Variants in KLKB1 observed in about 807,000 individuals in gnomAD.
The protein encoded by KLKB1 is kallikrein B1, also known as plasma kallikrein.
KLKB1 carries 58 observed loss-of-function variants against 73.6 expected under a neutral mutation model. The observed-to-expected ratio is 0.79, with a 90% CI of 0.64 to 0.98. The LOEUF is 0.98. Ranked by LOEUF, KLKB1 falls within the 50% of genes least tolerant of loss-of-function variation. The pLI, the probability that KLKB1 is intolerant of heterozygous loss-of-function variation, is 0.00. For synonymous variants in KLKB1, 280 were observed against 258.1 expected, an observed-to-expected ratio of 1.08 and a Z score of -0.81; for missense variants, 737 against 763.8, an observed-to-expected ratio of 0.96 and a Z score of 0.41.
Position 186,251,618 on chromosome 4 carries a change from T to C in KLKB1, c.1000T>C (p.Ser334Pro), listed in dbSNP as rs759674307. ...GATTCGCTGTCAGTTTTTCACTTAT[T>C]CTTTACTCCCAGAAGACTGTAAGGA... ...KMIRCQFFTY[S>P]LLPEDCKEEK... Residue 334 changes from serine (S) to proline (P), a missense_variant, in exon 9 of 15, where the codon TCT (serine) becomes CCT (proline). By Grantham distance (74) the Ser-to-Pro change is moderately conservative. Transcript: ENST00000264690. 1.9e-6 allele frequency: 3 copies of C among 1,614,158 alleles called. No homozygotes were observed. The highest frequency in any genetic ancestry group is 2.5e-6 in the Non-Finnish European group (3 of 1,180,006).
Position 186,252,059 on chromosome 4 carries a change from A to T in KLKB1, c.1187A>T (p.Asn396Ile). 6.2e-7 allele frequency: 1 copy of T among 1,614,028 alleles called. No homozygotes were observed. ...KTSTRIVGGT[N>I]SSWGEWPWQV... ...AGCACACGCATTGTTGGAGGAACAA[A>T]CTCTTCTTGGGGAGAGTGGCCCTGG... Residue 396 changes from asparagine to isoleucine, a missense_variant, in exon 11 of 15, where the codon AAC becomes ATC. Transcript: ENST00000264690.
At chr4:186,250,503 CG>C in intron 7 of KLKB1, 101 bp downstream of exon 7, 1 of 1,372,318 alleles carries the variant, frequency 7.3e-7, no homozygotes. Context: ...TTAAAAGTTT[CG>C]TTCATTTCCC....
At position 186,254,684 on chromosome 4, in the gene KLKB1, T is replaced by C. The variant is rs138430642; in HGVS notation, c.1410T>C (p.Ile470=). 1.2e-6 allele frequency: 2 copies of C among 1,613,760 alleles called. No individual in the cohort carries two copies. Among genetic ancestry groups the C allele is most frequent in the Admixed American group, 3.3e-5 (2 of 60,024 alleles). ...DTPFSQIKEI[I]IHQNYKVSEG... ...CTTTCTCACAAATAAAAGAGATTAT[T>C]ATTCACCAAAACTATAAAGTCTCAG... Residue 470 remains isoleucine (I), a synonymous_variant, in exon 12 of 15, where the codon ATT becomes ATC. Coordinates refer to ENST00000264690, the MANE Select transcript of KLKB1 (RefSeq NM_000892.5).
chr4:186,236,736 G>A, intron 4 of KLKB1, 45 bp from the exon 5 acceptor site: 1 of 1,604,300 alleles, frequency 6.2e-7, no homozygotes, highest in Non-Finnish European at 8.5e-7. Flanking sequence ...TCTACCTCTA[G>A]AAAGAAAATG....
chr4:186,216,725 A>G (rs75338999), intron 2 of KLKB1, among the ~76,000 whole-genome samples: 2,544 of 152,294 alleles, frequency 0.017, 30 homozygotes, highest in Non-Finnish European at 0.027. Flanking sequence ...TTGTCCAGAG[A>G]TGACTCTCAG....
chr4:186,243,473 G>C (rs1204088547), intron 6 of KLKB1, among the ~76,000 whole-genome samples: 2 of 152,180 alleles, frequency 1.3e-5, no homozygotes, highest in African/African-American at 4.8e-5. Flanking sequence ...GTGAGGGATA[G>C]AAGTTGGAAT....
At chr4:186,246,737 C>T (rs1738377690) in intron 6 of KLKB1, among the ~76,000 whole-genome samples, 1 of 152,006 alleles carries the variant, frequency 6.6e-6, no homozygotes, top group Admixed American at 6.5e-5. Context: ...TGGGGGGGTG[C>T]TTGCCCCCAG....
chr4:186,250,119 A>C (rs914419447), intron 6 of KLKB1, 124 bp from the exon 7 acceptor site: 2 of 1,026,864 alleles, frequency 1.9e-6, no homozygotes, highest in African/African-American at 3.2e-5. Flanking sequence ...ACATTTTTTC[A>C]CTTAGGATGT....
At chr4:186,221,972 T>C (rs1737042207), upstream of KLKB1, among the ~76,000 whole-genome samples, 1 of 152,204 alleles carries the variant, frequency 6.6e-6, no homozygotes, top group South Asian at 2.1e-4. Flanking sequence ...TTACAATTGT[T>C]ATATCCTCTT....
At chr4:186,251,724 T>G in intron 9 of KLKB1, 25 bp from the exon 10 acceptor site, 1 of 1,606,430 alleles carries the variant, frequency 6.2e-7, no homozygotes. Context: ...GAAGGCTTAC[T>G]CTTTCTACTG....
intron 2 of KLKB1, among the ~76,000 whole-genome samples, chr4:186,230,409 C>T (rs541330044): frequency 6.6e-6 from 1 of 152,232 alleles, no homozygotes; most frequent in East Asian, 1.9e-4. Flanking sequence ...CTTTAATTCT[C>T]ATTATTGTTT....
Position 186,239,058 on chromosome 4 carries a change from TGTTATA to T in KLKB1, c.598+701_598+706del, listed in dbSNP as rs201409035. Among the ~76,000 whole-genome samples, 567 of 131,026 alleles carry T rather than the reference TGTTATA, an allele frequency of 4.3e-3. 9 individuals are homozygous for T. The highest frequency in any genetic ancestry group is 0.017 in the African/African-American group (538 of 31,550). The allele number at this position is 131,026 out of a possible 152,430, so 86.0% of individuals were successfully genotyped here. ...GTTAGAGTTATAGGTACAGTGATAT[TGTTATA>T]GTTATAGGAAACTAGTACAGTGATA... On this transcript the variant is annotated intron_variant, in intron 6 of 14. Transcript: ENST00000264690.
At chr4:186,235,879 G>T (rs1737639659) in intron 4 of KLKB1, among the ~76,000 whole-genome samples, 2 of 152,030 alleles carry the variant, frequency 1.3e-5, no homozygotes. Flanking sequence ...ACTTTGGGAG[G>T]CCGAGACGGG....
chr4:186,253,606 A>C (rs1252879896), intron 11 of KLKB1, among the ~76,000 whole-genome samples: 2 of 149,416 alleles, frequency 1.3e-5, no homozygotes, highest in African/African-American at 2.5e-5. Flanking sequence ...TTTCATTGCA[A>C]ATAAAAAAAG....
At chr4:186,215,455 C>CT (rs1210873208) in intron 2 of KLKB1, among the ~76,000 whole-genome samples, 73 of 136,114 alleles carry the variant, frequency 5.4e-4, no homozygotes, top group East Asian at 2.5e-3. Flanking sequence ...GCTTGCTTTC[C>CT]TTTTTTTTTT....
rs1738717871 is a variant in KLKB1 at position 186,252,160 on chromosome 4, C to T, written c.1288C>T (p.Leu430Phe). ...GTCACTCATAGGACACCAGTGGGTCCTCACTGCTGCCCACTGCTTTGATGG... is the reference window on the plus strand; with the variant it reads ...GTCACTCATAGGACACCAGTGGGTCTTCACTGCTGCCCACTGCTTTGATGG... ...GGSLIGHQWV[L>F]TAAHCFDGLP... Residue 430 changes from leucine (L) to phenylalanine (F), a missense_variant, in exon 11 of 15, where the codon CTC (leucine) becomes TTC (phenylalanine). Coordinates refer to ENST00000264690, the MANE Select transcript of KLKB1 (RefSeq NM_000892.5). 3 of 1,613,844 alleles carry T rather than the reference C, an allele frequency of 1.9e-6. No homozygotes were observed. Among genetic ancestry groups the T allele is most frequent in the Non-Finnish European group, 2.5e-6 (3 of 1,180,034 alleles).
chr4:186,215,524 A>T (rs1281430973), intron 2 of KLKB1, among the ~76,000 whole-genome samples: 1 of 149,474 alleles, frequency 6.7e-6, no homozygotes, highest in Non-Finnish European at 1.5e-5. Context: ...CCAAGTTTTA[A>T]GTTTTATGCT....
intron 6 of KLKB1, among the ~76,000 whole-genome samples, chr4:186,245,696 A>G (rs950660748): frequency 5.9e-5 from 9 of 152,014 alleles, no homozygotes; most frequent in Non-Finnish European, 1.3e-4. Flanking sequence ...AGGAATCGCA[A>G]CTCAGAAATA....
intron 6 of KLKB1, among the ~76,000 whole-genome samples, chr4:186,245,828 T>TTTTTTTTTTTTTTTTTG (rs1738314537): frequency 7.4e-6 from 1 of 135,432 alleles, no homozygotes; most frequent in Non-Finnish European, 1.7e-5. Flanking sequence ...TTTTTGGTTT[T>TTTTTTTTTTTTTTTTTG]TTTTTTTTAA....
Sources: allele counts gnomAD v4.1 joint callset (sites outside exome capture counted in the v4.1 genomes callset), GRCh38; gene constraint gnomAD v4.1.1; transcripts MANE v1.5; gene names NCBI Gene and HGNC (gene_info 2026-07-23, HGNC 2026-07-21).